The following GARIN2 variants were observed in gnomAD, a reference collection of about 807,000 sequenced individuals.
GARIN2 encodes golgi associated RAB2 interactor family member 2, also known as Golgi-associated RAB2 interactor protein 2.
At chr14:67,203,236 A>C in the GARIN2 span, 1 of 1,612,388 alleles carries the variant, frequency 6.2e-7, no homozygotes, top group Non-Finnish European at 8.5e-7. Flanking sequence ...AAAGATACAG[A>C]AACCCTGTTT....
chr14:67,216,941 C>T, the GARIN2 span, among the ~76,000 whole-genome samples: 2 of 152,076 alleles, frequency 1.3e-5, no homozygotes, highest in African/African-American at 4.8e-5. Context: ...GTCTGTGATG[C>T]AGTTTAAATT....
chr14:67,190,229 T>C, the GARIN2 span, among the ~76,000 whole-genome samples: 1 of 139,948 alleles, frequency 7.1e-6, no homozygotes, highest in Non-Finnish European at 1.6e-5. Flanking sequence ...GTTCTTTTCT[T>C]TTTTTTTTTT....
the GARIN2 span, among the ~76,000 whole-genome samples, chr14:67,212,721 A>G: frequency 6.6e-6 from 1 of 150,628 alleles, no homozygotes; most frequent in African/African-American, 2.4e-5. Context: ...CTGAGGATTA[A>G]CTACTCAAAG....
the GARIN2 span, among the ~76,000 whole-genome samples, chr14:67,211,939 C>G: frequency 1.3e-5 from 2 of 152,168 alleles, no homozygotes; most frequent in African/African-American, 2.4e-5. Context: ...CCCTGCAAAA[C>G]TTCTCAAAAA....
the GARIN2 span, among the ~76,000 whole-genome samples, chr14:67,223,148 C>T: frequency 0.078 from 11,913 of 152,010 alleles, 1,090 homozygotes; most frequent in African/African-American, 0.22. Flanking sequence ...TACAAGCACC[C>T]GCCACCATGC....
At chr14:67,226,141 C>T in the GARIN2 span, among the ~76,000 whole-genome samples, 1 of 152,132 alleles carries the variant, frequency 6.6e-6, no homozygotes, top group African/African-American at 2.4e-5. Flanking sequence ...CACTCTGCCA[C>T]CAAAGCCAGC....
the GARIN2 span, among the ~76,000 whole-genome samples, chr14:67,208,888 C>T: frequency 1.4e-5 from 2 of 142,572 alleles, no homozygotes; most frequent in Admixed American, 1.4e-4. Context: ...CAGAGTAAAA[C>T]TCTGTCTCAA....
At chr14:67,198,743 A>G in the GARIN2 span, among the ~76,000 whole-genome samples, 1 of 152,170 alleles carries the variant, frequency 6.6e-6, no homozygotes, top group Non-Finnish European at 1.5e-5. Context: ...TCGGGGAGAA[A>G]AGCTCCCTTC....
the GARIN2 span, chr14:67,205,144 C>T: frequency 4.8e-6 from 7 of 1,461,238 alleles, no homozygotes; most frequent in East Asian, 2.5e-5. Context: ...GAGGGGTTAC[C>T]GAGATCACAC....
the GARIN2 span, chr14:67,208,579 T>A: frequency 1.0e-6 from 1 of 997,676 alleles, no homozygotes; most frequent in Non-Finnish European, 1.4e-6. Context: ...TGTAACTGAA[T>A]GATGATATAG....
the GARIN2 span, chr14:67,199,325 G>A: frequency 1.1e-5 from 18 of 1,612,676 alleles, no homozygotes; most frequent in Non-Finnish European, 1.4e-5. Flanking sequence ...GGTGAACAAG[G>A]CATCAGCTCA....
chr14:67,193,401 ATATATATC>A, the GARIN2 span, among the ~76,000 whole-genome samples: 2 of 140,586 alleles, frequency 1.4e-5, no homozygotes, highest in East Asian at 2.1e-4. Context: ...ATATATCTAG[ATATATATC>A]TATATATCTA....
the GARIN2 span, among the ~76,000 whole-genome samples, chr14:67,191,662 T>C: frequency 2.6e-5 from 4 of 152,186 alleles, no homozygotes; most frequent in African/African-American, 4.8e-5. Flanking sequence ...TCAGCCCTAA[T>C]GGAGCCTTGA....
At chr14:67,205,837 A>G in the GARIN2 span, among the ~76,000 whole-genome samples, 1 of 152,182 alleles carries the variant, frequency 6.6e-6, no homozygotes, top group Non-Finnish European at 1.5e-5. Flanking sequence ...AGGATGGATT[A>G]TAGGTAAAGA....
At chr14:67,209,134 G>A in the GARIN2 span, among the ~76,000 whole-genome samples, 3 of 152,164 alleles carry the variant, frequency 2.0e-5, no homozygotes, top group Admixed American at 6.6e-5. Flanking sequence ...CAGAGTTTAC[G>A]TGATTCACTC....
chr14:67,225,374 G>C, the GARIN2 span: 8 of 653,890 alleles, frequency 1.2e-5, no homozygotes, highest in African/African-American at 1.9e-5. Context: ...TTATTCTACT[G>C]TAGTAACAAT....
the GARIN2 span, among the ~76,000 whole-genome samples, chr14:67,209,795 G>T: frequency 7.4e-5 from 11 of 147,844 alleles, no homozygotes; most frequent in South Asian, 8.6e-4. Context: ...TCCAGCCTGG[G>T]TGACAGAGCA....
chr14:67,217,777 C>A, the GARIN2 span, among the ~76,000 whole-genome samples: 1 of 151,854 alleles, frequency 6.6e-6, no homozygotes, highest in Non-Finnish European at 1.5e-5. Flanking sequence ...ATTTTAAATT[C>A]TTTTTCTGAC....
At chr14:67,209,711 G>T in the GARIN2 span, among the ~76,000 whole-genome samples, 2 of 151,436 alleles carry the variant, frequency 1.3e-5, no homozygotes, top group South Asian at 4.2e-4. Context: ...CCAGCTACTC[G>T]GGAGGCTGAG....
Sources: allele counts gnomAD v4.1 joint callset (sites outside exome capture counted in the v4.1 genomes callset), GRCh38; gene constraint gnomAD v4.1.1; transcripts MANE v1.5; gene names NCBI Gene and HGNC (gene_info 2026-07-23, HGNC 2026-07-21).